The following TRIO variants were observed in gnomAD, a reference collection of about 807,000 sequenced individuals.
TRIO encodes triple functional domain protein.
In TRIO, 58 loss-of-function variants were observed where a neutral mutation model predicts 351.9. The ratio of observed to expected loss-of-function variants is 0.16; its 90% confidence interval spans 0.13 to 0.21. The LOEUF is 0.21. Among genes scored for constraint, TRIO ranks in the 10% least tolerant of loss-of-function variants. The pLI is 1.00. For synonymous variants in TRIO, 1,758 were observed against 1,595.7 expected, an observed-to-expected ratio of 1.10 and a Z score of -2.42; for missense variants, 3,201 against 4,027.8, an observed-to-expected ratio of 0.79 and a Z score of 5.56.
chr5:14,258,584 A>C (rs1192278235), intron 1 of TRIO, among the ~76,000 whole-genome samples: 1 of 152,200 alleles, frequency 6.6e-6, no homozygotes, highest in African/African-American at 2.4e-5. Flanking sequence ...AGAGTCTTTT[A>C]GGATCTTACC....
intron 6 of TRIO, 127 bp from the exon 7 acceptor site, chr5:14,296,945 A>G: frequency 3.1e-6 from 2 of 648,000 alleles, no homozygotes; most frequent in East Asian, 5.4e-5. Context: ...ATATCAGGTG[A>G]TGCTCCTGGG....
chr5:14,329,666 A>G (rs538038318), intron 9 of TRIO, among the ~76,000 whole-genome samples: 18 of 152,394 alleles, frequency 1.2e-4, no homozygotes, highest in African/African-American at 3.8e-4. Context: ...CTTCAATACT[A>G]TAGCTGTGCA....
intron 1 of TRIO, among the ~76,000 whole-genome samples, chr5:14,175,759 A>G (rs1232979672): frequency 6.6e-6 from 1 of 152,234 alleles, no homozygotes; most frequent in Non-Finnish European, 1.5e-5. Context: ...CTAACATAGA[A>G]TACTATACAT....
chr5:14,207,200 T>C (rs534901573), intron 1 of TRIO, among the ~76,000 whole-genome samples: 2 of 150,998 alleles, frequency 1.3e-5, no homozygotes, highest in South Asian at 4.2e-4. Flanking sequence ...GAGGCTGAGG[T>C]GGGAGGTTGG....
intron 34 of TRIO, among the ~76,000 whole-genome samples, chr5:14,458,469 C>T (rs1753531748): frequency 6.6e-6 from 1 of 152,192 alleles, no homozygotes; most frequent in South Asian, 2.1e-4. Context: ...ATGGTTCCTC[C>T]TCCTGTTGCC....
chr5:14,477,243 G>C, intron 41 of TRIO: 1 of 300,910 alleles, frequency 3.3e-6, no homozygotes, highest in East Asian at 5.7e-5. Flanking sequence ...GGGTGTCTGT[G>C]AACAGGCAGG....
intron 3 of TRIO, among the ~76,000 whole-genome samples, chr5:14,282,811 C>T (rs1172361364): frequency 6.6e-6 from 1 of 152,126 alleles, no homozygotes; most frequent in Non-Finnish European, 1.5e-5. Context: ...CATGTCAGTA[C>T]CTAGGTTTGC....
In TRIO at chr5:14,492,630, AAGG is replaced by A; in HGVS notation, c.7701_7703del (p.Glu2567del). 6.2e-7 allele frequency: 1 copy of A among 1,614,204 alleles called. No individual in the cohort carries two copies. Among genetic ancestry groups the A allele is most frequent in the South Asian group, 1.1e-5 (1 of 91,084 alleles). ...GGTGACACACGATTACACGGCAGTG[AAGG>A]AGGATGAGATCAACGTCTACCAAGG... On this transcript the variant is annotated inframe_deletion, in exon 49 of 57. Transcript: ENST00000344204.
At chr5:14,306,324 A>G (rs1263148787) in intron 8 of TRIO, among the ~76,000 whole-genome samples, 1 of 152,248 alleles carries the variant, frequency 6.6e-6, no homozygotes, top group African/African-American at 2.4e-5. Flanking sequence ...CTAGTCTGTT[A>G]GAAACTATTT....
In TRIO at chr5:14,280,405, A is replaced by G. The variant is rs1353129222; in HGVS notation, c.316A>G (p.Arg106Gly). Reference protein sequence around the residue: ...HDRIRQEDLRRLISYLACIPS... With the variant: ...HDRIRQEDLRGLISYLACIPS... ...CAGAATACGACAGGAGGATCTCAGG[A>G]GACTCATTTCCTATCTAGCCTGTAT... is the stretch of plus-strand genomic sequence containing the variant. Residue 106 changes from arginine (R) to glycine (G), a missense_variant, in exon 3 of 57, where the codon AGA becomes GGA. Around this residue, in one of 19 missense-constraint regions of TRIO, gnomAD observed 109 missense variants for 134.6 expected, o/e 0.81. Coordinates refer to ENST00000344204, the MANE Select transcript of TRIO (RefSeq NM_007118.4). 7 of 1,614,112 alleles carry G rather than the reference A, an allele frequency of 4.3e-6. No homozygotes were observed. The highest frequency in any genetic ancestry group is 1.7e-5 in the Admixed American group (1 of 60,026).
rs1787320215 is a variant in TRIO at position 14,143,779 on chromosome 5, C to T, written c.54C>T (p.Ala18=). The part of the protein sequence containing the change: ...AAAPAASSGP[A]AAASAAGSGC... Reference sequence around the variant, plus strand: ...CCCCCGCCGCGTCCTCCGGCCCCGCCGCGGCGGCCAGCGCGGCTGGCTCGG... The same window carrying T: ...CCCCCGCCGCGTCCTCCGGCCCCGCTGCGGCGGCCAGCGCGGCTGGCTCGG... Residue 18 remains alanine (A), a synonymous_variant, in exon 1 of 57, where the codon GCC becomes GCT. Transcript: ENST00000344204. 2 of 1,019,134 alleles carry T rather than the reference C, an allele frequency of 2.0e-6. No individual in the cohort carries two copies. Among genetic ancestry groups the T allele is most frequent in the African/African-American group, 1.7e-5 (1 of 57,476 alleles). 63.1% of individuals were successfully genotyped at this position (1,019,134 alleles called of 1,614,324 possible). A position where few individuals can be genotyped will look rare whatever the true frequency, so the allele number is the denominator to read the frequency against.
intron 1 of TRIO, among the ~76,000 whole-genome samples, chr5:14,151,941 C>T (rs1787866890): frequency 6.6e-6 from 1 of 152,054 alleles, no homozygotes; most frequent in Non-Finnish European, 1.5e-5. Flanking sequence ...TTTTAGATAA[C>T]TTTATTAGTT....
chr5:14,440,650 G>C, intron 34 of TRIO, among the ~76,000 whole-genome samples: 1 of 152,194 alleles, frequency 6.6e-6, no homozygotes, highest in Admixed American at 6.5e-5. Flanking sequence ...GTGAGGAGCG[G>C]CATTACAGCA....
At chr5:14,279,566 A>C (rs974434118) in intron 2 of TRIO, among the ~76,000 whole-genome samples, 4 of 152,240 alleles carry the variant, frequency 2.6e-5, no homozygotes, top group Non-Finnish European at 4.4e-5. Flanking sequence ...TAATAAAATA[A>C]ATGTGACAAT....
chr5:14,236,702 T>G (rs6554847), intron 1 of TRIO, among the ~76,000 whole-genome samples: 13,305 of 152,260 alleles, frequency 0.087, 1,924 homozygotes, highest in African/African-American at 0.3. Flanking sequence ...GTGTAGCAGC[T>G]TTATTGAAGT....
At chr5:14,218,123 G>A (rs1420906544) in intron 1 of TRIO, among the ~76,000 whole-genome samples, 1 of 152,114 alleles carries the variant, frequency 6.6e-6, no homozygotes, top group Non-Finnish European at 1.5e-5. Context: ...TGCAACTTTT[G>A]CAAAGTAAGT....
intron 1 of TRIO, among the ~76,000 whole-genome samples, chr5:14,228,599 G>T (rs1457093518): frequency 6.6e-6 from 1 of 152,182 alleles, no homozygotes; most frequent in Non-Finnish European, 1.5e-5. Flanking sequence ...GCCACATGTG[G>T]ATTTAAGCAG....
intron 33 of TRIO, among the ~76,000 whole-genome samples, chr5:14,412,249 A>G (rs1386099680): frequency 1.3e-5 from 2 of 152,022 alleles, no homozygotes; most frequent in Admixed American, 6.5e-5. Flanking sequence ...CGGCCTCCCA[A>G]AGTGCTAGGA....
intron 42 of TRIO, among the ~76,000 whole-genome samples, 156 bp from the exon 43 acceptor site, chr5:14,479,763 A>G (rs1755375635): frequency 6.6e-6 from 1 of 152,240 alleles, no homozygotes; most frequent in Non-Finnish European, 1.5e-5. Flanking sequence ...TAAAACTTGG[A>G]AATTCTGTGA....
Sources: gnomAD v4.1 joint callset for allele counts (sites outside exome capture counted in the v4.1 genomes callset) on GRCh38, gnomAD v4.1.1 for gene constraint, gnomAD v4.1.1 regional missense constraint, MANE v1.5 for transcripts, NCBI Gene and HGNC (gene_info 2026-07-23, HGNC 2026-07-21) for gene names.